GLRA1: variants seen among roughly 807,000 people sequenced by gnomAD.
GLRA1 encodes the protein glycine receptor alpha 1, also known as glycine receptor subunit alpha-1.
In GLRA1, 37 loss-of-function variants were observed where a neutral mutation model predicts 48.3. The observed-to-expected ratio is 0.77, with a 90% CI of 0.59 to 1.01. The LOEUF (loss-of-function observed/expected upper bound fraction) is 1.01, where lower values mean the gene tolerates loss of function less well. GLRA1 is among the 50% of genes least tolerant of loss of function. The pLI is 0.00. For synonymous variants in GLRA1, 196 were observed against 210.7 expected, an observed-to-expected ratio of 0.93 and a Z score of 0.60; for missense variants, 427 against 571.0, an observed-to-expected ratio of 0.75 and a Z score of 2.57.
intron 7 of GLRA1, chr5:151,849,742 C>T (rs1449006297): frequency 1.4e-5 from 5 of 354,262 alleles, no homozygotes; most frequent in East Asian, 7.7e-5. Context: ...TTAGTAGAGA[C>T]GTGGTTTCAC....
intron 3 of GLRA1, among the ~76,000 whole-genome samples, chr5:151,861,497 A>G (rs1206228812): frequency 6.6e-6 from 1 of 152,060 alleles, no homozygotes; most frequent in African/African-American, 2.4e-5. Flanking sequence ...GCATTTTTTC[A>G]TGTGTCTGTT....
At chr5:151,894,625 G>A (rs1754185469) in intron 1 of GLRA1, among the ~76,000 whole-genome samples, 1 of 152,178 alleles carries the variant, frequency 6.6e-6, no homozygotes, top group East Asian at 1.9e-4. Flanking sequence ...AGGAATCATG[G>A]TGGTTTTATT....
At chr5:151,853,526 G>T (rs1160701144) in intron 6 of GLRA1, among the ~76,000 whole-genome samples, 1 of 151,826 alleles carries the variant, frequency 6.6e-6, no homozygotes, top group Non-Finnish European at 1.5e-5. Context: ...AAAGTGCTGG[G>T]ATTACAGGCA....
chr5:151,851,039 C>A (rs550206930), intron 7 of GLRA1, among the ~76,000 whole-genome samples: 1 of 152,142 alleles, frequency 6.6e-6, no homozygotes, highest in Non-Finnish European at 1.5e-5. Flanking sequence ...ACAGTATTTA[C>A]TATTAATGGT....
At chr5:151,860,796 A>G (rs1004654206) in intron 3 of GLRA1, among the ~76,000 whole-genome samples, 1 of 152,310 alleles carries the variant, frequency 6.6e-6, no homozygotes, top group East Asian at 1.9e-4. Context: ...TTACATATGT[A>G]TACATGTGCC....
intron 1 of GLRA1, among the ~76,000 whole-genome samples, chr5:151,916,717 C>G (rs544599824): frequency 1.1e-4 from 16 of 152,294 alleles, no homozygotes; most frequent in Middle Eastern, 3.4e-3. Context: ...CATCTTGATT[C>G]ACCTCCTTTA....
At chr5:151,911,354 T>C (rs1275180214) in intron 1 of GLRA1, among the ~76,000 whole-genome samples, 1 of 152,192 alleles carries the variant, frequency 6.6e-6, no homozygotes, top group Non-Finnish European at 1.5e-5. Flanking sequence ...TATCCTACTT[T>C]AATTATAGTA....
At chr5:151,888,758 C>G (rs1216231563) in intron 2 of GLRA1, among the ~76,000 whole-genome samples, 2 of 152,232 alleles carry the variant, frequency 1.3e-5, no homozygotes, top group Admixed American at 1.3e-4. Flanking sequence ...GGGACCACTG[C>G]TGTAGACCAG....
chr5:151,905,082 T>A (rs1754446469), intron 1 of GLRA1, among the ~76,000 whole-genome samples: 1 of 152,178 alleles, frequency 6.6e-6, no homozygotes, highest in South Asian at 2.1e-4. Flanking sequence ...GCTGCACATA[T>A]GGAAACTGTC....
At chr5:151,921,433 G>C (rs1754870312) in intron 1 of GLRA1, among the ~76,000 whole-genome samples, 1 of 152,230 alleles carries the variant, frequency 6.6e-6, no homozygotes, top group Non-Finnish European at 1.5e-5. Flanking sequence ...TGATGGTCAT[G>C]ACTCAGGGAG....
intron 1 of GLRA1, among the ~76,000 whole-genome samples, chr5:151,922,490 G>A (rs988961541): frequency 1.6e-4 from 24 of 152,284 alleles, no homozygotes; most frequent in African/African-American, 5.5e-4. Flanking sequence ...TGAAGTAGCC[G>A]TTCCTATATT....
chr5:151,842,151 G>A (rs1319827113), intron 7 of GLRA1, among the ~76,000 whole-genome samples: 3 of 151,700 alleles, frequency 2.0e-5, no homozygotes, highest in Admixed American at 6.6e-5. Context: ...AATTGTCCAG[G>A]ACCAGATGGC....
At chr5:151,913,940 A>G (rs1754678403) in intron 1 of GLRA1, among the ~76,000 whole-genome samples, 2 of 152,230 alleles carry the variant, frequency 1.3e-5, no homozygotes, top group African/African-American at 4.8e-5. Context: ...TATTAAAACC[A>G]TTTAGGAGGA....
At chr5:151,825,920 T>C (rs1763258525) in intron 8 of GLRA1, among the ~76,000 whole-genome samples, 1 of 152,174 alleles carries the variant, frequency 6.6e-6, no homozygotes, top group Non-Finnish European at 1.5e-5. Context: ...TGTACACCTC[T>C]AGGGTACAAA....
Position 151,888,342 on chromosome 5 carries a change from G to A in GLRA1, c.185-1554C>T, listed in dbSNP as rs186333236. Among the ~76,000 whole-genome samples, 8 of 152,246 alleles carry A rather than the reference G, an allele frequency of 5.3e-5. No individual in the cohort carries two copies. The East Asian group carries it at 7.7e-4, about 15-fold the overall frequency. ...CTTCAAGGGATTATCAGGATTTCTGGGTTTTGGACATAACTCCAGCACTCA... is the reference window on the plus strand; with the variant it reads ...CTTCAAGGGATTATCAGGATTTCTGAGTTTTGGACATAACTCCAGCACTCA... On this transcript the variant is annotated intron_variant, in intron 2 of 8. Coordinates refer to ENST00000274576, the MANE Select transcript of GLRA1 (RefSeq NM_000171.4).
At chr5:151,836,280 CA>C (rs1763576604) in intron 7 of GLRA1, among the ~76,000 whole-genome samples, 1 of 152,162 alleles carries the variant, frequency 6.6e-6, no homozygotes, top group Non-Finnish European at 1.5e-5. Context: ...AGGAGAACTA[CA>C]AACCACTGCT....
chr5:151,839,884 A>T (rs1200948798), intron 7 of GLRA1, among the ~76,000 whole-genome samples: 1 of 152,192 alleles, frequency 6.6e-6, no homozygotes, highest in African/African-American at 2.4e-5. Flanking sequence ...TGAAAAATAA[A>T]TTTTTATTGT....
chr5:151,849,005 C>T (rs1414404096), intron 7 of GLRA1: 6 of 668,862 alleles, frequency 9.0e-6, no homozygotes, highest in African/African-American at 1.8e-5. Flanking sequence ...AGAAGGATGG[C>T]GCTGCAAGAC....
chr5:151,907,769 C>T (rs1754512098), intron 1 of GLRA1, among the ~76,000 whole-genome samples: 1 of 152,168 alleles, frequency 6.6e-6, no homozygotes, highest in Admixed American at 6.5e-5. Flanking sequence ...TGGATTGCAG[C>T]CCCTGGGCAA....
Sources: gnomAD v4.1 joint callset for allele counts (sites outside exome capture counted in the v4.1 genomes callset) on GRCh38, gnomAD v4.1.1 for gene constraint, MANE v1.5 for transcripts, NCBI Gene and HGNC (gene_info 2026-07-23, HGNC 2026-07-21) for gene names.